Variants in EZH1 observed in about 807,000 individuals in gnomAD.
EZH1 encodes the protein histone-lysine N-methyltransferase EZH1.
Under a neutral mutation model 100.5 loss-of-function variants are expected in EZH1, and 33 were observed. That is an observed-to-expected ratio of 0.33 (90% CI 0.25 to 0.44). The LOEUF (loss-of-function observed/expected upper bound fraction) is 0.44. Among genes scored for constraint, EZH1 ranks in the 20% least tolerant of loss-of-function variants. The probability of loss-of-function intolerance (pLI) is 1.00; values close to 1 mark genes in which losing one functional copy is unlikely to be tolerated. For synonymous variants in EZH1, 272 were observed against 313.8 expected, an observed-to-expected ratio of 0.87 and a Z score of 1.41; for missense variants, 475 against 928.4, an observed-to-expected ratio of 0.51 and a Z score of 6.35.
chr17:42,717,284 T>C (rs1288077828), intron 10 of EZH1, among the ~76,000 whole-genome samples: 2 of 152,184 alleles, frequency 1.3e-5, no homozygotes, highest in South Asian at 2.1e-4. Flanking sequence ...ATTTTCCACA[T>C]GTGTGCCCAA....
chr17:42,740,818 G>A lies in EZH1; in HGVS notation c.-103+4193C>T, dbSNP rs553549514. ...TAGTCTATTTTGAATCAAATTATTC[G>A]GGTAGGTGAGTTAGAGAATAAAACA... is the stretch of plus-strand genomic sequence containing the variant. On this transcript the variant is annotated intron_variant, in intron 1 of 20. Coordinates refer to ENST00000428826, the MANE Select transcript of EZH1 (RefSeq NM_001991.5). Among the ~76,000 whole-genome samples, 10 of 151,804 alleles carry A rather than the reference G, an allele frequency of 6.6e-5. No individual in the cohort carries two copies. In the South Asian group the frequency reaches 1.0e-3, roughly 16 times the overall value.
chr17:42,724,203 G>T (rs2143812364), intron 5 of EZH1, 102 bp downstream of exon 5: 1 of 1,366,594 alleles, frequency 7.3e-7, no homozygotes, highest in Non-Finnish European at 1.0e-6. Context: ...TGTCCTAGCT[G>T]TGTTAATTAC....
At position 42,709,634 on chromosome 17, in the gene EZH1, C is replaced by T. The variant is rs144088657; in HGVS notation, c.1493+212G>A. 1.1e-3 allele frequency: 586 copies of T among 517,828 alleles called. 2 individuals carry two copies. Among genetic ancestry groups the T allele is most frequent in the African/African-American group, 8.9e-3 (464 of 52,234 alleles). 32.1% of individuals were successfully genotyped at this position (517,828 alleles called of 1,614,324 possible). On this transcript the variant is annotated intron_variant, in intron 13 of 20. Coordinates refer to ENST00000428826, the MANE Select transcript of EZH1 (RefSeq NM_001991.5). ...TAGAAAAACAGACAGTTATGGTCCA[C>T]AGCACTGGGGGACAAGAAGAGGGCT...
rs1434480858 is a variant in EZH1, at chr17:42,718,580, G to A, written c.805C>T (p.Leu269Phe). Reference protein sequence around the residue: ...ELTEMSDPNALPPQCTPNIDG... With the variant: ...ELTEMSDPNAFPPQCTPNIDG... ...ATGTTGGGTGTGCACTGAGGGGGAA[G>A]TGCATTGGGGTCTGACATCTCTGTT... Residue 269 changes from leucine to phenylalanine, a missense_variant, in exon 9 of 21, where the codon CTT (leucine) becomes TTT (phenylalanine). Leu to Phe is a conservative substitution (Grantham distance 22). This residue lies in a region of EZH1 where 180 missense variants were observed against 295.3 expected (regional missense o/e 0.61). Coordinates refer to ENST00000428826, the MANE Select transcript of EZH1 (RefSeq NM_001991.5). This position sits in a 1 kb window ranked among gnomAD's most constrained non-coding sequence, Gnocchi z 4.2. 1 of 1,614,206 alleles carries A rather than the reference G, an allele frequency of 6.2e-7. No individual in the cohort carries two copies.
chr17:42,721,153 G>A, intron 6 of EZH1, among the ~76,000 whole-genome samples: 1 of 152,186 alleles, frequency 6.6e-6, no homozygotes, highest in African/African-American at 2.4e-5. Context: ...TCCTAAAATT[G>A]TACTTTATGG....
rs79275955 is a variant in EZH1 at position 42,702,420 on chromosome 17, G to C, written c.*112C>G. 1,557 of 889,008 alleles carry C rather than the reference G, an allele frequency of 1.8e-3. 18 individuals carry two copies. The African/African-American group carries it at 0.023, about 13-fold the overall frequency. The allele number at this position is 889,008 out of a possible 1,614,324, so 55.1% of individuals were successfully genotyped here. A position where few individuals can be genotyped will look rare whatever the true frequency, so the allele number is the denominator to read the frequency against. ...GCCTCACTACAGAGGGAGTGGGTTG[G>C]GGGGTTTCTCAGTGTGGGAGACACA... On this transcript the variant is annotated 3_prime_UTR_variant, in exon 21 of 21. Transcript: ENST00000428826.
intron 4 of EZH1, among the ~76,000 whole-genome samples, chr17:42,727,109 C>G (rs140481610): frequency 6.6e-6 from 1 of 152,082 alleles, no homozygotes; most frequent in South Asian, 2.1e-4. Context: ...CTCAGCCTCC[C>G]GAAGTGCTGA....
At chr17:42,733,626 G>C (rs903255866) in intron 1 of EZH1, among the ~76,000 whole-genome samples, 3 of 142,358 alleles carry the variant, frequency 2.1e-5, no homozygotes. Context: ...GGGCGACAGA[G>C]CGAGACTCCA....
chr17:42,703,031 T>G, intron 19 of EZH1, 70 bp from the exon 20 acceptor site: 1 of 1,471,446 alleles, frequency 6.8e-7, no homozygotes, highest in South Asian at 1.1e-5. Context: ...GGCTTCTGGG[T>G]TGATTTTCTC....
Position 42,718,336 on chromosome 17 carries a change from T to G in EZH1, c.931+118A>C. 1 of 1,362,602 alleles carries G rather than the reference T, an allele frequency of 7.3e-7. No individual in the cohort carries two copies. The highest frequency in any genetic ancestry group is 9.9e-7 in the Non-Finnish European group (1 of 1,006,622). 84.4% of individuals were successfully genotyped at this position (1,362,602 alleles called of 1,614,324 possible). A position where few individuals can be genotyped will look rare whatever the true frequency, so the allele number is the denominator to read the frequency against. ...AGCAAGGGAAAATAGAACTGGCCCT[T>G]TGTAAAACGTTAGAACAGAAGCCAG... On this transcript the variant is annotated intron_variant, in intron 9 of 20. Coordinates refer to ENST00000428826, the MANE Select transcript of EZH1 (RefSeq NM_001991.5). This position sits in a 1 kb window ranked among gnomAD's most constrained non-coding sequence, Gnocchi z 4.2.
chr17:42,721,679 TAAAAA>T (rs879496533), intron 6 of EZH1, among the ~76,000 whole-genome samples: 1 of 134,250 alleles, frequency 7.4e-6, no homozygotes, highest in Non-Finnish European at 1.6e-5. Context: ...ACTAGGGTAA[TAAAAA>T]AAAAAAAGAA....
rs1000322448 is a variant in EZH1, at chr17:42,724,346, G to A, written c.325C>T (p.Pro109Ser). Reference protein sequence around the residue: ...MRSLNTVALVPIMYSWSPLQQ... With the variant: ...MRSLNTVALVSIMYSWSPLQQ... ...AGAGGGGACCAGGAATACATGATGG[G>A]AACCAATGCAACTGTGTTCAGTGAC... Residue 109 changes from proline to serine, a missense_variant, in exon 5 of 21, where the codon CCC becomes TCC. By Grantham distance (74) the Pro-to-Ser change is moderately conservative (BLOSUM62 -1). Transcript: ENST00000428826. The A allele has an allele frequency of 1.2e-6, 2 of 1,613,906 alleles. No individual in the cohort carries two copies. The highest frequency in any genetic ancestry group is 2.7e-5 in the African/African-American group (2 of 74,898).
chr17:42,716,755 G>A (rs914493278), intron 10 of EZH1, among the ~76,000 whole-genome samples: 1 of 151,994 alleles, frequency 6.6e-6, no homozygotes, highest in Non-Finnish European at 1.5e-5. Flanking sequence ...CTGGAGTACA[G>A]TGGCGTGATC....
chr17:42,727,161 T>G (rs1448464685), intron 4 of EZH1, among the ~76,000 whole-genome samples: 5 of 152,212 alleles, frequency 3.3e-5, no homozygotes. Flanking sequence ...CCGTAATTAT[T>G]CTTGAAGCTG....
chr17:42,730,506 T>TC (rs2053920460), intron 2 of EZH1, among the ~76,000 whole-genome samples: 1 of 136,718 alleles, frequency 7.3e-6, no homozygotes, highest in Admixed American at 7.4e-5. Flanking sequence ...TTTTTTTTTT[T>TC]TTTTTTTTGA....
chr17:42,738,838 C>T (rs766102967), intron 1 of EZH1, among the ~76,000 whole-genome samples: 1 of 149,638 alleles, frequency 6.7e-6, no homozygotes, highest in African/African-American at 2.5e-5. Context: ...CAGCTCACTG[C>T]AATCTCCACC....
intron 19 of EZH1, chr17:42,703,518 G>A: frequency 1.8e-6 from 1 of 542,542 alleles, no homozygotes; most frequent in Non-Finnish European, 3.3e-6. Flanking sequence ...TGTTGCTCAG[G>A]CTGGTTAAAT....
intron 1 of EZH1, among the ~76,000 whole-genome samples, chr17:42,732,782 A>C (rs1209001426): frequency 2.6e-5 from 4 of 151,896 alleles, no homozygotes; most frequent in African/African-American, 9.7e-5. Flanking sequence ...CAAACAAAAC[A>C]AAACAAAATC....
intron 2 of EZH1, among the ~76,000 whole-genome samples, chr17:42,729,475 T>TC (rs1339150954): frequency 6.6e-6 from 1 of 151,830 alleles, no homozygotes; most frequent in Non-Finnish European, 1.5e-5. Flanking sequence ...ACGCCTGTAA[T>TC]CCCAGCACTT....
Sources: gnomAD v4.1 joint callset for allele counts (sites outside exome capture counted in the v4.1 genomes callset) on GRCh38, gnomAD v4.1.1 for gene constraint, gnomAD v4.1.1 regional missense constraint, Gnocchi (gnomAD v3.1) non-coding constraint, MANE v1.5 for transcripts, NCBI Gene and HGNC (gene_info 2026-07-23, HGNC 2026-07-21) for gene names.